RPIA: variants seen among roughly 807,000 people sequenced by gnomAD.
RPIA encodes the protein ribose-5-phosphate isomerase.
RPIA carries 29 observed loss-of-function variants against 37.8 expected under a neutral mutation model. That is an observed-to-expected ratio of 0.77 (90% CI 0.57 to 1.05). The LOEUF is 1.05. RPIA is among the 50% of genes least tolerant of loss of function. The pLI, the probability that RPIA is intolerant of heterozygous loss-of-function variation, is 0.00. For missense variants in RPIA, 385 were observed against 413.6 expected, an observed-to-expected ratio of 0.93 and a Z score of 0.60; for synonymous variants, 167 against 157.0, an observed-to-expected ratio of 1.06 and a Z score of -0.48.
chr2:88,700,021 A>G lies in RPIA; in HGVS notation c.359A>G (p.Lys120Arg). 6.2e-7 allele frequency: 1 copy of G among 1,614,204 alleles called. No individual in the cohort carries two copies. Among genetic ancestry groups the G allele is most frequent in the South Asian group, 1.1e-5 (1 of 91,090 alleles). Reference sequence around the variant, plus strand: ...TTTGTTTCCACAGCTGAAAGGGTGAAGCAAGAGAATCTGAACCTCGTCTGT... The same window carrying G: ...TTTGTTTCCACAGCTGAAAGGGTGAGGCAAGAGAATCTGAACCTCGTCTGT... ...HAVQRIAERV[K>R]QENLNLVCIP... Residue 120 changes from lysine to arginine, a missense_variant, in exon 3 of 9, where the codon AAG (lysine) becomes AGG (arginine). By Grantham distance (26) the Lys-to-Arg change is conservative. Coordinates refer to ENST00000283646, the MANE Select transcript of RPIA (RefSeq NM_144563.3).
chr2:88,723,556 G>A (rs1166140599), intron 3 of RPIA, among the ~76,000 whole-genome samples: 2 of 152,124 alleles, frequency 1.3e-5, no homozygotes, highest in African/African-American at 4.8e-5. Context: ...CCAGACCTCA[G>A]CAAATTGTCC....
At chr2:88,733,508 G>C (rs1673277481) in intron 4 of RPIA, among the ~76,000 whole-genome samples, 1 of 152,126 alleles carries the variant, frequency 6.6e-6, no homozygotes, top group South Asian at 2.1e-4. Context: ...GGCTGAAGGT[G>C]GGCCTGGAGC....
At chr2:88,741,489 G>A (rs868642790) in intron 8 of RPIA, among the ~76,000 whole-genome samples, 2 of 152,214 alleles carry the variant, frequency 1.3e-5, no homozygotes, top group Middle Eastern at 6.8e-3. Flanking sequence ...AGGCATTTAG[G>A]CTGGTTCCAT....
chr2:88,709,548 T>G (rs1159321151), intron 3 of RPIA, among the ~76,000 whole-genome samples: 1 of 152,186 alleles, frequency 6.6e-6, no homozygotes, highest in Non-Finnish European at 1.5e-5. Context: ...TTTTCTGAGG[T>G]CCCTAGTGAG....
chr2:88,736,448 C>T (rs1673316588), intron 6 of RPIA, 87 bp from the exon 7 acceptor site: 2 of 1,441,302 alleles, frequency 1.4e-6, no homozygotes, highest in Admixed American at 3.5e-5. Context: ...TTCCCACCAT[C>T]TCATTAACCC....
chr2:88,716,965 G>A (rs140358562), intron 3 of RPIA, among the ~76,000 whole-genome samples: 1 of 152,250 alleles, frequency 6.6e-6, no homozygotes, highest in Non-Finnish European at 1.5e-5. Flanking sequence ...GTAGAGATAC[G>A]ATTGGACAAA....
intron 3 of RPIA, among the ~76,000 whole-genome samples, chr2:88,702,046 G>A (rs1672838641): frequency 6.6e-6 from 1 of 152,126 alleles, no homozygotes; most frequent in South Asian, 2.1e-4. Context: ...TCCTCCCTTT[G>A]TATTTGTACT....
At chr2:88,742,929 T>C (rs1402466293) in intron 8 of RPIA, among the ~76,000 whole-genome samples, 1 of 152,210 alleles carries the variant, frequency 6.6e-6, no homozygotes, top group African/African-American at 2.4e-5. Flanking sequence ...ATTTATCAGA[T>C]CTAAGAGCTT....
rs569534805 is a variant in RPIA at position 88,742,310 on chromosome 2, C to T, written c.838+4234C>T. 2.6e-5 allele frequency among the ~76,000 whole-genome samples: 4 copies of T among 152,250 alleles called. No homozygotes were observed. In the South Asian group the frequency reaches 8.3e-4, roughly 32 times the overall value. On this transcript the variant is annotated intron_variant, in intron 8 of 8. Transcript: ENST00000283646. ...AGCACCATTTGTTGAATAGGGTGTC[C>T]TTTCCCCCTTGATATTTTTGTTTGC...
intron 3 of RPIA, among the ~76,000 whole-genome samples, chr2:88,728,393 G>A (rs1224963809): frequency 6.6e-6 from 1 of 152,090 alleles, no homozygotes; most frequent in African/African-American, 2.4e-5. Context: ...AGGGTCACAG[G>A]GCTGGCTCAT....
intron 1 of RPIA, among the ~76,000 whole-genome samples, chr2:88,696,661 A>C (rs986527848): frequency 1.3e-5 from 2 of 152,210 alleles, no homozygotes; most frequent in Admixed American, 1.3e-4. Flanking sequence ...TGGAAAGGTT[A>C]TTAGAACCTG....
chr2:88,738,941 A>G (rs1366493696), intron 8 of RPIA, among the ~76,000 whole-genome samples: 1 of 152,180 alleles, frequency 6.6e-6, no homozygotes, highest in Non-Finnish European at 1.5e-5. Flanking sequence ...CCAGGCGAGG[A>G]GAGGCTGTGT....
chr2:88,707,059 C>T lies in RPIA; in HGVS notation c.402+6995C>T, dbSNP rs370552102. Among the ~76,000 whole-genome samples, 5 of 152,276 alleles carry T rather than the reference C, an allele frequency of 3.3e-5. No individual in the cohort carries two copies. In the South Asian group the frequency reaches 6.2e-4, roughly 19 times the overall value. On this transcript the variant is annotated intron_variant, in intron 3 of 8. Coordinates refer to ENST00000283646, the MANE Select transcript of RPIA (RefSeq NM_144563.3). ...GTTTCTGCATCCAAAATGGAGGGCACATTTTAGAGGCCACTTCAGTTTCCA... is the reference window on the plus strand; with the variant it reads ...GTTTCTGCATCCAAAATGGAGGGCATATTTTAGAGGCCACTTCAGTTTCCA...
At chr2:88,741,562 T>C (rs1459737534) in intron 8 of RPIA, among the ~76,000 whole-genome samples, 2 of 152,254 alleles carry the variant, frequency 1.3e-5, no homozygotes, top group Non-Finnish European at 2.9e-5. Context: ...TTTCATATAA[T>C]GACTTCTTTT....
chr2:88,702,538 C>T (rs1282454339), intron 3 of RPIA, among the ~76,000 whole-genome samples: 3 of 143,708 alleles, frequency 2.1e-5, no homozygotes, highest in Non-Finnish European at 4.5e-5. Flanking sequence ...CAAAAGCAAC[C>T]TTGATAAAAC....
chr2:88,707,609 T>C (rs2104087529), intron 3 of RPIA, among the ~76,000 whole-genome samples: 1 of 152,350 alleles, frequency 6.6e-6, no homozygotes, highest in Non-Finnish European at 1.5e-5. Context: ...CCTCTGGTGG[T>C]ACTCTTGTCC....
At chr2:88,735,535 T>A (rs1012987478) in intron 5 of RPIA, 134 bp from the exon 6 acceptor site, 1 of 808,896 alleles carries the variant, frequency 1.2e-6, no homozygotes, top group Non-Finnish European at 2.2e-6. Context: ...ACTGGGGATG[T>A]CCCTTTAAAA....
chr2:88,695,960 G>T (rs1326428999), intron 1 of RPIA, among the ~76,000 whole-genome samples: 1 of 151,808 alleles, frequency 6.6e-6, no homozygotes, highest in African/African-American at 2.4e-5. Context: ...CTACTTGTTG[G>T]TCATTCTTTC....
At chr2:88,726,577 A>G (rs1436700634) in intron 3 of RPIA, among the ~76,000 whole-genome samples, 2 of 152,158 alleles carry the variant, frequency 1.3e-5, no homozygotes, top group Non-Finnish European at 2.9e-5. Context: ...CTGGCACTCC[A>G]CAAATATTCA....
Sources: allele counts gnomAD v4.1 joint callset (sites outside exome capture counted in the v4.1 genomes callset), GRCh38; gene constraint gnomAD v4.1.1; transcripts MANE v1.5; gene names NCBI Gene and HGNC (gene_info 2026-07-23, HGNC 2026-07-21).